The following THSD7A variants were observed in gnomAD, a reference collection of about 807,000 sequenced individuals.
THSD7A encodes thrombospondin type-1 domain-containing protein 7A.
THSD7A carries 96 observed loss-of-function variants against 231.3 expected under a neutral mutation model. The observed-to-expected ratio is 0.41, with a 90% confidence interval of 0.35 to 0.49. The LOEUF (loss-of-function observed/expected upper bound fraction) is 0.49, where lower values mean the gene tolerates loss of function less well. THSD7A is among the 20% of genes least tolerant of loss of function. THSD7A has a pLI of 0.05. For missense variants in THSD7A, 2,290 were observed against 2,070.2 expected (o/e 1.11, Z -2.06); for synonymous variants, 940 against 743.3 (o/e 1.26, Z -4.30).
chr7:11,470,780 A>G (rs941979312), intron 8 of THSD7A, among the ~76,000 whole-genome samples: 13 of 151,914 alleles, frequency 8.6e-5, no homozygotes, highest in African/African-American at 3.1e-4. Flanking sequence ...CATAAATTAT[A>G]GTAAAATTAA....
intron 11 of THSD7A, among the ~76,000 whole-genome samples, chr7:11,456,025 G>A (rs1010115321): frequency 1.3e-5 from 2 of 152,058 alleles, no homozygotes; most frequent in Non-Finnish European, 2.9e-5. Flanking sequence ...GGCATGGCTA[G>A]TAAGGTGATA....
chr7:11,594,553 C>T (rs1237033693), intron 2 of THSD7A, among the ~76,000 whole-genome samples: 1 of 152,088 alleles, frequency 6.6e-6, no homozygotes, highest in Non-Finnish European at 1.5e-5. Context: ...TGATTCATTG[C>T]TTGTGAAGGC....
In THSD7A at chr7:11,828,386, C is replaced by A. The variant is rs1785090903; in HGVS notation, c.190+3371G>T. ...TTAGAATGGCCTTCTACTCCTTCCT[C>A]AGTCAAAATCCACCTCATCCTTCAA... On this transcript the variant is annotated intron_variant, in intron 1 of 27. Transcript: ENST00000423059. Among the ~76,000 whole-genome samples the A allele has an allele frequency of 2.6e-5, 4 of 152,120 alleles. No homozygotes were observed. The South Asian group carries it at 8.3e-4, about 32-fold the overall frequency.
intron 1 of THSD7A, among the ~76,000 whole-genome samples, chr7:11,707,588 G>C (rs915331365): frequency 6.6e-6 from 1 of 150,890 alleles, no homozygotes; most frequent in Non-Finnish European, 1.5e-5. Flanking sequence ...GTGCCTGGCA[G>C]GCAAAACCAT....
intron 6 of THSD7A, among the ~76,000 whole-genome samples, chr7:11,489,108 G>C (rs751911536): frequency 1.3e-5 from 2 of 152,056 alleles, no homozygotes; most frequent in Admixed American, 6.6e-5. Flanking sequence ...TCTGGCCAGA[G>C]AGTTTGTCTT....
chr7:11,784,991 C>T (rs2128175929), intron 1 of THSD7A, among the ~76,000 whole-genome samples: 1 of 152,192 alleles, frequency 6.6e-6, no homozygotes, highest in East Asian at 1.9e-4. Flanking sequence ...TATGATTATA[C>T]TACTCATCAT....
At chr7:11,430,338 G>A (rs1006838686) in intron 13 of THSD7A, among the ~76,000 whole-genome samples, 2 of 152,048 alleles carry the variant, frequency 1.3e-5, no homozygotes, top group African/African-American at 2.4e-5. Flanking sequence ...AAACCCTATG[G>A]TTACTGGCAG....
rs1015698783 is a variant in THSD7A, at chr7:11,372,032, A to T, written c.*3762T>A. 2 of 151,994 alleles carry T rather than the reference A, an allele frequency of 1.3e-5. No individual in the cohort carries two copies. The highest frequency in any genetic ancestry group is 2.4e-5 in the African/African-American group (1 of 41,368). The allele number at this position is 151,994 out of a possible 1,614,324, so 9.4% of individuals were successfully genotyped here. On this transcript the variant is annotated 3_prime_UTR_variant, in exon 28 of 28. Transcript: ENST00000423059. Reference sequence around the variant, plus strand: ...GTTGGGGGAGGTAAATAAGTGTGTGAGAGGTCTATTCAATTTCTGTGAGAA... The same window carrying T: ...GTTGGGGGAGGTAAATAAGTGTGTGTGAGGTCTATTCAATTTCTGTGAGAA...
intron 1 of THSD7A, among the ~76,000 whole-genome samples, chr7:11,813,298 C>T (rs780739508): frequency 1.3e-5 from 2 of 151,980 alleles, no homozygotes; most frequent in Non-Finnish European, 1.5e-5. Context: ...GAATTAGGTC[C>T]CCTAAAACAC....
intron 6 of THSD7A, among the ~76,000 whole-genome samples, chr7:11,484,326 C>G (rs888525001): frequency 1.3e-5 from 2 of 152,076 alleles, no homozygotes; most frequent in Admixed American, 6.5e-5. Flanking sequence ...CTCCTGCAAA[C>G]GAAGCCCATT....
chr7:11,412,509 T>G, intron 18 of THSD7A, 147 bp downstream of exon 18: 1 of 958,302 alleles, frequency 1.0e-6, no homozygotes, highest in Non-Finnish European at 1.5e-6. Context: ...AGTATTTCTG[T>G]CATTTAATAT....
intron 1 of THSD7A, among the ~76,000 whole-genome samples, chr7:11,716,954 A>G (rs1341649436): frequency 4.0e-5 from 6 of 151,590 alleles, no homozygotes; most frequent in Non-Finnish European, 5.9e-5. Flanking sequence ...ATGAAATAGA[A>G]CCACCTTTCT....
chr7:11,646,517 G>A (rs999400790), intron 1 of THSD7A, among the ~76,000 whole-genome samples: 8 of 151,956 alleles, frequency 5.3e-5, no homozygotes, highest in African/African-American at 1.7e-4. Flanking sequence ...CTTAAAATTG[G>A]TGTCAAAGAA....
intron 23 of THSD7A, among the ~76,000 whole-genome samples, chr7:11,390,764 G>A (rs144305249): frequency 5.8e-4 from 88 of 152,242 alleles, no homozygotes; most frequent in African/African-American, 1.9e-3. Flanking sequence ...GGTGACCTTC[G>A]GATGGGGTCT....
chr7:11,430,073 G>A lies in THSD7A; in HGVS notation c.3065-948C>T, dbSNP rs548914990. Among the ~76,000 whole-genome samples the A allele has an allele frequency of 2.8e-4, 42 of 152,326 alleles. No individual in the cohort carries two copies. In the South Asian group the frequency reaches 4.8e-3, roughly 17 times the overall value. On this transcript the variant is annotated intron_variant, in intron 13 of 27. Coordinates refer to ENST00000423059, the MANE Select transcript of THSD7A (RefSeq NM_015204.3). ...GGTTGTCCTCTATAATAGTCTGAAT[G>A]TGGAGAGAAGGTGTTCTTGGTACAA...
intron 1 of THSD7A, among the ~76,000 whole-genome samples, chr7:11,675,684 C>T (rs765465538): frequency 4.6e-5 from 7 of 152,188 alleles, no homozygotes; most frequent in Non-Finnish European, 1.0e-4. Flanking sequence ...CTCAGCGCTG[C>T]AAAGCCATGG....
intron 6 of THSD7A, among the ~76,000 whole-genome samples, chr7:11,510,311 C>T (rs555399640): frequency 6.6e-6 from 1 of 152,276 alleles, no homozygotes; most frequent in East Asian, 1.9e-4. Context: ...AAGTCCTGGA[C>T]CAGACGGATT....
At chr7:11,405,890 G>C (rs1377640442) in intron 22 of THSD7A, among the ~76,000 whole-genome samples, 1 of 152,124 alleles carries the variant, frequency 6.6e-6, no homozygotes, top group Non-Finnish European at 1.5e-5. Context: ...AGGGTAAGCT[G>C]TTATTATGAG....
intron 6 of THSD7A, among the ~76,000 whole-genome samples, chr7:11,499,446 G>A (rs1002225166): frequency 6.6e-6 from 1 of 152,180 alleles, no homozygotes; most frequent in African/African-American, 2.4e-5. Context: ...CAGCCTAGGA[G>A]TGCCAAGTTG....
Sources: allele counts gnomAD v4.1 joint callset (sites outside exome capture counted in the v4.1 genomes callset), GRCh38; gene constraint gnomAD v4.1.1; transcripts MANE v1.5; gene names NCBI Gene and HGNC (gene_info 2026-07-23, HGNC 2026-07-21).